BLVRA: variants seen among roughly 807,000 people sequenced by gnomAD.
BLVRA encodes the protein BVR A.
Under a neutral mutation model 32.8 loss-of-function variants are expected in BLVRA, and 22 were observed. The ratio of observed to expected loss-of-function variants is 0.67; its 90% confidence interval spans 0.48 to 0.96. BLVRA has a LOEUF of 0.96. BLVRA is among the 40% of genes least tolerant of loss of function. BLVRA has a pLI of 0.00. For synonymous variants in BLVRA, 119 were observed against 141.3 expected (o/e 0.84, Z 1.12); for missense variants, 323 against 358.1 (o/e 0.90, Z 0.79).
intron 7 of BLVRA, among the ~76,000 whole-genome samples, chr7:43,804,491 T>C (rs2095802091): frequency 6.6e-6 from 1 of 152,188 alleles, no homozygotes; most frequent in Admixed American, 6.5e-5. Flanking sequence ...ACCTGATTTT[T>C]TTCCTGTGTT....
intron 2 of BLVRA, among the ~76,000 whole-genome samples, chr7:43,779,190 C>T (rs945070460): frequency 2.0e-5 from 3 of 152,222 alleles, no homozygotes; most frequent in Admixed American, 6.5e-5. Context: ...GAGGTGAACC[C>T]GGTACCTCAG....
At chr7:43,802,507 T>C (rs1026112457) in intron 6 of BLVRA, among the ~76,000 whole-genome samples, 1 of 152,104 alleles carries the variant, frequency 6.6e-6, no homozygotes, top group Non-Finnish European at 1.5e-5. Flanking sequence ...TATATATATA[T>C]ATTTTTTTGA....
rs183953533 is a variant in BLVRA at position 43,796,340 on chromosome 7, T to G, written c.352+3528T>G. On this transcript the variant is annotated intron_variant, in intron 5 of 7. Transcript: ENST00000265523. ...CATATAACCTACTAAGACTGAATCA[T>G]GAAGAAACAAAAATCTGAACAGATT... Among the ~76,000 whole-genome samples, 31 of 152,128 alleles carry G rather than the reference T, an allele frequency of 2.0e-4. No homozygotes were observed. In the East Asian group the frequency reaches 5.2e-3, roughly 26 times the overall value.
intron 6 of BLVRA, among the ~76,000 whole-genome samples, chr7:43,802,178 C>T (rs1256367287): frequency 6.6e-6 from 1 of 152,042 alleles, no homozygotes. Context: ...CTAGAGCAGA[C>T]AGTAACCAGC....
At chr7:43,758,816 C>T (rs2095739124) in intron 1 of BLVRA, 82 bp downstream of exon 1, 1 of 151,688 alleles carries the variant, frequency 6.6e-6, no homozygotes, top group Non-Finnish European at 1.5e-5. Context: ...AGGGCCTGAG[C>T]TCGAAGCCCC....
chr7:43,801,776 G>C (rs1427703766), intron 6 of BLVRA, among the ~76,000 whole-genome samples: 6 of 152,198 alleles, frequency 3.9e-5, no homozygotes, highest in African/African-American at 1.4e-4. Flanking sequence ...TCATGAGACA[G>C]AGCTGGATTG....
At chr7:43,767,459 G>A (rs1440654441) in intron 1 of BLVRA, 34 of 1,475,554 alleles carry the variant, frequency 2.3e-5, no homozygotes, top group Middle Eastern at 1.7e-4. Context: ...ATCTGGAGGC[G>A]CCCTTGGGAT....
chr7:43,800,415 C>A, intron 5 of BLVRA, 50 bp from the exon 6 acceptor site: 1 of 1,543,072 alleles, frequency 6.5e-7, no homozygotes, highest in Non-Finnish European at 9.0e-7. Context: ...GGGATGCACA[C>A]CTAGACACAA....
chr7:43,773,145 A>C (rs573608034), intron 2 of BLVRA, among the ~76,000 whole-genome samples: 1 of 151,842 alleles, frequency 6.6e-6, no homozygotes, highest in South Asian at 2.1e-4. Flanking sequence ...ATTTTATTTT[A>C]TTATTATTAT....
chr7:43,793,752 T>C (rs943060463), intron 5 of BLVRA, among the ~76,000 whole-genome samples: 2 of 151,120 alleles, frequency 1.3e-5, no homozygotes, highest in African/African-American at 4.9e-5. Context: ...GCCTCCTGAG[T>C]AGCTAGGATT....
At chr7:43,790,358 A>G (rs1337135825) in intron 3 of BLVRA, among the ~76,000 whole-genome samples, 1 of 152,066 alleles carries the variant, frequency 6.6e-6, no homozygotes, top group Non-Finnish European at 1.5e-5. Context: ...TGTGCTAGGC[A>G]TTATAGGAGA....
chr7:43,800,630 T>C, intron 6 of BLVRA, 58 bp downstream of exon 6: 1 of 1,455,032 alleles, frequency 6.9e-7, no homozygotes, highest in South Asian at 1.1e-5. Context: ...GCCAGATTCT[T>C]TCCTGGCTCT....
chr7:43,774,181 T>G (rs1332674767), intron 2 of BLVRA, among the ~76,000 whole-genome samples: 2 of 152,346 alleles, frequency 1.3e-5, no homozygotes, highest in East Asian at 3.9e-4. Context: ...TTGTTGCCAT[T>G]GCTTTTGGTG....
chr7:43,797,289 T>C (rs943454146), intron 5 of BLVRA, among the ~76,000 whole-genome samples: 19 of 152,244 alleles, frequency 1.2e-4, no homozygotes, highest in Admixed American at 1.2e-3. Flanking sequence ...GGTTTCGCCA[T>C]GTTGGCCAGG....
chr7:43,796,777 G>A (rs2095793319), intron 5 of BLVRA, among the ~76,000 whole-genome samples: 1 of 152,210 alleles, frequency 6.6e-6, no homozygotes, highest in African/African-American at 2.4e-5. Flanking sequence ...TCTATGTAAT[G>A]GGTGAAGATA....
chr7:43,796,121 C>CAAAAAAAAAAAAAAA (rs371922009), intron 5 of BLVRA, among the ~76,000 whole-genome samples: 2 of 66,642 alleles, frequency 3.0e-5, no homozygotes, highest in Non-Finnish European at 5.9e-5. Context: ...CTCTGTCTCA[C>CAAAAAAAAAAAAAAA]AAAAAAAAAA....
At chr7:43,782,291 G>A (rs560454578) in intron 2 of BLVRA, among the ~76,000 whole-genome samples, 1 of 152,214 alleles carries the variant, frequency 6.6e-6, no homozygotes, top group Admixed American at 6.5e-5. Flanking sequence ...AGCAAAACTA[G>A]TTGTGGCCCA....
intron 2 of BLVRA, among the ~76,000 whole-genome samples, chr7:43,778,948 C>G (rs963035311): frequency 4.6e-5 from 7 of 152,260 alleles, no homozygotes; most frequent in African/African-American, 1.4e-4. Flanking sequence ...GGGCATAGGA[C>G]CCGCCGAGCC....
chr7:43,801,009 C>T (rs2095798112), intron 6 of BLVRA, among the ~76,000 whole-genome samples: 1 of 151,714 alleles, frequency 6.6e-6, no homozygotes, highest in African/African-American at 2.4e-5. Flanking sequence ...TTATTCTGTT[C>T]TTACTCTGTT....
Sources: allele counts gnomAD v4.1 joint callset (sites outside exome capture counted in the v4.1 genomes callset), GRCh38; gene constraint gnomAD v4.1.1; transcripts MANE v1.5; gene names NCBI Gene and HGNC (gene_info 2026-07-23, HGNC 2026-07-21).